SOX14: variants seen among roughly 807,000 people sequenced by gnomAD.
SOX14 encodes the protein transcription factor SOX-14.
In SOX14, 5 loss-of-function variants were observed where a neutral mutation model predicts 14.8. That is an observed-to-expected ratio of 0.34 (90% CI 0.18 to 0.71). The LOEUF (loss-of-function observed/expected upper bound fraction) is 0.71, where lower values mean the gene tolerates loss of function less well. SOX14 is among the 30% of genes least tolerant of loss of function. The pLI, the probability that SOX14 is intolerant of heterozygous loss-of-function variation, is 0.64. For synonymous variants in SOX14, 164 were observed against 146.3 expected (o/e 1.12, Z -0.87); for missense variants, 270 against 329.7 (o/e 0.82, Z 1.40).
At position 137,764,642 on chromosome 3, in the gene SOX14, C is replaced by G. The variant is rs1939208427; in HGVS notation, c.-143C>G. On this transcript the variant is annotated 5_prime_UTR_variant, in exon 1 of 1. Transcript: ENST00000306087. ...GCTGAACTTTGTGGGGTCAGCGCTT[C>G]TCTCTGGCTTCCCCTCAGCGGCGCC... The G allele has an allele frequency of 2.8e-6, 3 of 1,061,208 alleles. No homozygotes were observed. Among genetic ancestry groups the G allele is most frequent in the Non-Finnish European group, 4.0e-6 (3 of 744,414 alleles). 65.7% of individuals were successfully genotyped at this position (1,061,208 alleles called of 1,614,324 possible).
rs750669644 is a variant in SOX14 at position 137,764,916 on chromosome 3, C to G, written c.132C>G (p.Ala44=). The change falls in exon 1 of 1, where the codon GCC becomes GCG. Residue 44 remains alanine, a synonymous_variant. Coordinates refer to ENST00000306087, the MANE Select transcript of SOX14 (RefSeq NM_004189.4). The part of the protein sequence containing the change: ...HNSEISKRLG[A]EWKLLSEAEK... ...CGGAGATCAGCAAACGCCTAGGTGCCGAATGGAAGCTTCTGTCCGAGGCAG... is the reference window on the plus strand; with the variant it reads ...CGGAGATCAGCAAACGCCTAGGTGCGGAATGGAAGCTTCTGTCCGAGGCAG... The G allele has an allele frequency of 1.2e-6, 2 of 1,614,234 alleles. No homozygotes were observed. The highest frequency in any genetic ancestry group is 8.5e-7 in the Non-Finnish European group (1 of 1,180,046).
rs1166268001 is a variant in SOX14, at chr3:137,766,073, A to G, written c.*566A>G. On this transcript the variant is annotated 3_prime_UTR_variant, in exon 1 of 1. Transcript: ENST00000306087. ...TGATAGTGTTTGCTTCTTTAAAGGG[A>G]AAACAAAAAGGACCTACATGGTTAT... is the stretch of plus-strand genomic sequence containing the variant. 1 of 152,284 alleles carries G rather than the reference A, an allele frequency of 6.6e-6. No individual in the cohort carries two copies. The highest frequency in any genetic ancestry group is 2.4e-5 in the African/African-American group (1 of 41,464). 9.4% of individuals were successfully genotyped at this position (152,284 alleles called of 1,614,324 possible).
At position 137,765,796 on chromosome 3, in the gene SOX14, G is replaced by A. The variant is rs1939234068; in HGVS notation, c.*289G>A. The A allele has an allele frequency of 1.0e-5, 4 of 382,102 alleles. No homozygotes were observed. The South Asian group carries it at 2.6e-4, about 25-fold the overall frequency. The allele number at this position is 382,102 out of a possible 1,614,324, so 23.7% of individuals were successfully genotyped here. A position where few individuals can be genotyped will look rare whatever the true frequency, so the allele number is the denominator to read the frequency against. On this transcript the variant is annotated 3_prime_UTR_variant, in exon 1 of 1. Coordinates refer to ENST00000306087, the MANE Select transcript of SOX14 (RefSeq NM_004189.4). ...GTACCCCCTTTGGACAAAAAAGTAGGCAGTTTTGCTTTATTTATATCCCCT... is the reference window on the plus strand; with the variant it reads ...GTACCCCCTTTGGACAAAAAAGTAGACAGTTTTGCTTTATTTATATCCCCT...
chr3:137,764,889 C>G lies in SOX14; in HGVS notation c.105C>G (p.Asn35Lys). The G allele has an allele frequency of 6.2e-7, 1 of 1,614,262 alleles. No individual in the cohort carries two copies. The highest frequency in any genetic ancestry group is 8.5e-7 in the Non-Finnish European group (1 of 1,180,052). ...CCCAGGAAAACCCCAAGATGCACAACTCGGAGATCAGCAAACGCCTAGGTG... is the reference window on the plus strand; with the variant it reads ...CCCAGGAAAACCCCAAGATGCACAAGTCGGAGATCAGCAAACGCCTAGGTG... ...KMAQENPKMH[N>K]SEISKRLGAE... The change falls in exon 1 of 1, where the codon AAC (asparagine) becomes AAG (lysine). Residue 35 changes from asparagine (N) to lysine (K), a missense_variant. Asn to Lys is a moderately conservative substitution (Grantham distance 94, BLOSUM62 0). This residue lies in a region of SOX14 where 63 missense variants were observed against 118.8 expected (regional missense o/e 0.53). Coordinates refer to ENST00000306087, the MANE Select transcript of SOX14 (RefSeq NM_004189.4).
In SOX14 at chr3:137,764,937, G is replaced by C; in HGVS notation, c.153G>C (p.Glu51Asp). ...RLGAEWKLLS[E>D]AEKRPYIDEA... ...GTGCCGAATGGAAGCTTCTGTCCGA[G>C]GCAGAGAAGCGGCCATACATCGATG... Residue 51 changes from glutamate to aspartate, a missense_variant, in exon 1 of 1, where the codon GAG (glutamate) becomes GAC (aspartate). Around this residue, in one of 2 missense-constraint regions of SOX14, gnomAD observed 63 missense variants for 118.8 expected, o/e 0.53. Coordinates refer to ENST00000306087, the MANE Select transcript of SOX14 (RefSeq NM_004189.4). The C allele has an allele frequency of 6.2e-7, 1 of 1,614,264 alleles. No individual in the cohort carries two copies. Among genetic ancestry groups the C allele is most frequent in the Middle Eastern group, 1.6e-4 (1 of 6,062 alleles).
Position 137,765,333 on chromosome 3 carries a change from C to T in SOX14, c.549C>T (p.Pro183=), listed in dbSNP as rs1202160184. ...QNGAFGSLSC[P]SQHTHTHPSP... ...GCGCCTTCGGCAGCCTCAGCTGCCC[C>T]AGCCAGCACACGCACACGCACCCGT... The change falls in exon 1 of 1, where the codon CCC becomes CCT. Residue 183 remains proline, a synonymous_variant. Coordinates refer to ENST00000306087, the MANE Select transcript of SOX14 (RefSeq NM_004189.4). 2 of 1,594,394 alleles carry T rather than the reference C, an allele frequency of 1.3e-6. No individual in the cohort carries two copies. Among genetic ancestry groups the T allele is most frequent in the East Asian group, 2.3e-5 (1 of 43,186 alleles).
Position 137,765,231 on chromosome 3 carries a change from C to G in SOX14, c.447C>G (p.Ile149Met). The G allele has an allele frequency of 6.2e-7, 1 of 1,609,038 alleles. No individual in the cohort carries two copies. The highest frequency in any genetic ancestry group is 8.5e-7 in the Non-Finnish European group (1 of 1,177,926). The change falls in exon 1 of 1, where the codon ATC becomes ATG. Residue 149 changes from isoleucine (I) to methionine (M), a missense_variant. Physicochemically the swap from Ile to Met is conservative, Grantham distance 10. Transcript: ENST00000306087. ...LDPAQFSSSA[I>M]QKMGEVPHTL... ...CCGCGCAGTTTAGCTCGAGCGCCAT[C>G]CAGAAGATGGGCGAAGTGCCCCACA...
chr3:137,765,589 A>C lies in SOX14; in HGVS notation c.*82A>C. 1.3e-6 allele frequency: 2 copies of C among 1,496,540 alleles called. No individual in the cohort carries two copies. The highest frequency in any genetic ancestry group is 1.8e-6 in the Non-Finnish European group (2 of 1,119,394). The allele number at this position is 1,496,540 out of a possible 1,614,324, so 92.7% of individuals were successfully genotyped here. ...CTCTGAGCCTAGCCCCGGCCTGCAG[A>C]CGCCTCCGGGGTCAGCCCTGCCGCT... On this transcript the variant is annotated 3_prime_UTR_variant, in exon 1 of 1. Transcript: ENST00000306087.
rs1358539005 is a variant in SOX14, at chr3:137,764,995, G to A, written c.211G>A (p.Glu71Lys). Residue 71 changes from glutamate (E) to lysine (K), a missense_variant, in exon 1 of 1, where the codon GAG becomes AAG. Physicochemically the swap from Glu to Lys is moderately conservative, Grantham distance 56. Transcript: ENST00000306087. Reference protein sequence around the residue: ...AKRLRAQHMKEHPDYKYRPRR... With the variant: ...AKRLRAQHMKKHPDYKYRPRR... ...GCGGCTACGCGCCCAGCACATGAAG[G>A]AGCACCCTGACTACAAGTACCGACC... 1 of 1,614,256 alleles carries A rather than the reference G, an allele frequency of 6.2e-7. No individual in the cohort carries two copies. The highest frequency in any genetic ancestry group is 8.5e-7 in the Non-Finnish European group (1 of 1,180,052).
At position 137,765,267 on chromosome 3, in the gene SOX14, C is replaced by T; in HGVS notation, c.483C>T (p.Thr161=). 1 of 1,592,604 alleles carries T rather than the reference C, an allele frequency of 6.3e-7. No homozygotes were observed. The highest frequency in any genetic ancestry group is 2.3e-5 in the East Asian group (1 of 43,330). The change falls in exon 1 of 1, where the codon ACC becomes ACT. Residue 161 remains threonine (T), a synonymous_variant. Transcript: ENST00000306087. ...KMGEVPHTLA[T]GALPYASTLG... ...GCGAAGTGCCCCACACCTTGGCTAC[C>T]GGCGCTCTGCCCTACGCGTCCACCC...
At position 137,764,776 on chromosome 3, in the gene SOX14, G is replaced by T. The variant is rs371601436; in HGVS notation, c.-9G>T. On this transcript the variant is annotated 5_prime_UTR_variant, in exon 1 of 1. Coordinates refer to ENST00000306087, the MANE Select transcript of SOX14 (RefSeq NM_004189.4). The stretch of plus-strand genomic sequence containing the variant: ...ACTCCCTACCCCCACCCACCTAGCC[G>T]CCGGGACCATGTCCAAACCTTCAGA... 28 of 1,612,438 alleles carry T rather than the reference G, an allele frequency of 1.7e-5. No individual in the cohort carries two copies. The highest frequency in any genetic ancestry group is 2.2e-5 in the Non-Finnish European group (26 of 1,179,516).
At position 137,765,411 on chromosome 3, in the gene SOX14, C is replaced by T. The variant is rs755869622; in HGVS notation, c.627C>T (p.Ala209=). The T allele has an allele frequency of 1.8e-5, 29 of 1,613,754 alleles. No individual in the cohort carries two copies. The highest frequency in any genetic ancestry group is 2.4e-5 in the Non-Finnish European group (28 of 1,179,970). Residue 209 remains alanine, a synonymous_variant, in exon 1 of 1, where the codon GCC becomes GCT. Coordinates refer to ENST00000306087, the MANE Select transcript of SOX14 (RefSeq NM_004189.4). ...VVPCNCTAWS[A]STLQPPVAYI... Reference sequence around the variant, plus strand: ...CCTGTAACTGTACCGCCTGGTCTGCCTCCACCCTGCAGCCCCCCGTCGCCT... The same window carrying T: ...CCTGTAACTGTACCGCCTGGTCTGCTTCCACCCTGCAGCCCCCCGTCGCCT...
In SOX14 at chr3:137,766,077, CAA is replaced by C. The variant is rs1045306495; in HGVS notation, c.*574_*575del. ...AGTGTTTGCTTCTTTAAAGGGAAAA[CAA>C]AAAGGACCTACATGGTTATTTACTT... On this transcript the variant is annotated 3_prime_UTR_variant, in exon 1 of 1. Coordinates refer to ENST00000306087, the MANE Select transcript of SOX14 (RefSeq NM_004189.4). The C allele has an allele frequency of 2.6e-5, 4 of 152,136 alleles. No homozygotes were observed. The highest frequency in any genetic ancestry group is 9.7e-5 in the African/African-American group (4 of 41,432). The allele number at this position is 152,136 out of a possible 1,614,324, so 9.4% of individuals were successfully genotyped here.
At position 137,764,775 on chromosome 3, in the gene SOX14, C is replaced by A. The variant is rs753135462; in HGVS notation, c.-10C>A. The A allele has an allele frequency of 6.2e-6, 10 of 1,612,780 alleles. No homozygotes were observed. In the East Asian group the frequency reaches 2.2e-4, roughly 36 times the overall value. ...CACTCCCTACCCCCACCCACCTAGCCGCCGGGACCATGTCCAAACCTTCAG... is the reference window on the plus strand; with the variant it reads ...CACTCCCTACCCCCACCCACCTAGCAGCCGGGACCATGTCCAAACCTTCAG... On this transcript the variant is annotated 5_prime_UTR_variant, in exon 1 of 1. Coordinates refer to ENST00000306087, the MANE Select transcript of SOX14 (RefSeq NM_004189.4).
chr3:137,765,316 G>A lies in SOX14; in HGVS notation c.532G>A (p.Gly178Ser), dbSNP rs780965428. The A allele has an allele frequency of 7.7e-5, 122 of 1,582,480 alleles. No homozygotes were observed. The highest frequency in any genetic ancestry group is 9.7e-5 in the Non-Finnish European group (113 of 1,165,264). ...CCTGGGCTACCAGAACGGCGCCTTC[G>A]GCAGCCTCAGCTGCCCCAGCCAGCA... ...STLGYQNGAF[G>S]SLSCPSQHTH... Residue 178 changes from glycine (G) to serine (S), a missense_variant, in exon 1 of 1, where the codon GGC becomes AGC. Around this residue, in one of 2 missense-constraint regions of SOX14, gnomAD observed 207 missense variants for 210.9 expected, o/e 0.98. Coordinates refer to ENST00000306087, the MANE Select transcript of SOX14 (RefSeq NM_004189.4).
In SOX14 at chr3:137,765,449, C is replaced by T; in HGVS notation, c.665C>T (p.Pro222Leu). Residue 222 changes from proline (P) to leucine (L), a missense_variant, in exon 1 of 1, where the codon CCA becomes CTA. Coordinates refer to ENST00000306087, the MANE Select transcript of SOX14 (RefSeq NM_004189.4). ...CCCCCCGTCGCCTACATCCTCTTCC[C>T]AGGCATGACCAAGACTGGCATAGAC... ...LQPPVAYILF[P>L]GMTKTGIDPY... 1 of 1,613,584 alleles carries T rather than the reference C, an allele frequency of 6.2e-7. No homozygotes were observed. Among genetic ancestry groups the T allele is most frequent in the Non-Finnish European group, 8.5e-7 (1 of 1,179,850 alleles).
Position 137,764,780 on chromosome 3 carries a change from G to C in SOX14, c.-5G>C, listed in dbSNP as rs1424253860. Reference sequence around the variant, plus strand: ...CCTACCCCCACCCACCTAGCCGCCGGGACCATGTCCAAACCTTCAGACCAC... The same window carrying C: ...CCTACCCCCACCCACCTAGCCGCCGCGACCATGTCCAAACCTTCAGACCAC... On this transcript the variant is annotated 5_prime_UTR_variant, in exon 1 of 1. Coordinates refer to ENST00000306087, the MANE Select transcript of SOX14 (RefSeq NM_004189.4). 6.2e-7 allele frequency: 1 copy of C among 1,613,042 alleles called. No individual in the cohort carries two copies. The highest frequency in any genetic ancestry group is 1.7e-5 in the Admixed American group (1 of 59,696).
Position 137,765,432 on chromosome 3 carries a change from C to A in SOX14, c.648C>A (p.Val216=), listed in dbSNP as rs201667464. 1.9e-5 allele frequency: 30 copies of A among 1,613,832 alleles called. No homozygotes were observed. The East Asian group carries it at 6.5e-4, about 35-fold the overall frequency. ...AWSASTLQPP[V]AYILFPGMTK... The stretch of plus-strand genomic sequence containing the variant: ...CTGCCTCCACCCTGCAGCCCCCCGT[C>A]GCCTACATCCTCTTCCCAGGCATGA... Residue 216 remains valine (V), a synonymous_variant, in exon 1 of 1, where the codon GTC becomes GTA. Coordinates refer to ENST00000306087, the MANE Select transcript of SOX14 (RefSeq NM_004189.4).
Position 137,765,731 on chromosome 3 carries a change from G to A in SOX14, c.*224G>A. On this transcript the variant is annotated 3_prime_UTR_variant, in exon 1 of 1. Coordinates refer to ENST00000306087, the MANE Select transcript of SOX14 (RefSeq NM_004189.4). ...TTGCAAACGTTATGTCAGCTACACAGCTGCCCCTATCCCGACTCTCCCAAA... is the reference window on the plus strand; with the variant it reads ...TTGCAAACGTTATGTCAGCTACACAACTGCCCCTATCCCGACTCTCCCAAA... 1 of 517,150 alleles carries A rather than the reference G, an allele frequency of 1.9e-6. No individual in the cohort carries two copies. The highest frequency in any genetic ancestry group is 3.3e-6 in the Non-Finnish European group (1 of 301,936). The allele number at this position is 517,150 out of a possible 1,614,324, so 32.0% of individuals were successfully genotyped here.
Sources: gnomAD v4.1 joint callset for allele counts on GRCh38, gnomAD v4.1.1 for gene constraint, gnomAD v4.1.1 regional missense constraint, MANE v1.5 for transcripts, NCBI Gene and HGNC (gene_info 2026-07-23, HGNC 2026-07-21) for gene names.